Variants in LMO7 observed in about 807,000 individuals in gnomAD.
LMO7 encodes the protein LIM domain only protein 7.
LMO7 carries 120 observed loss-of-function variants against 206.5 expected under a neutral mutation model. That is an observed-to-expected ratio of 0.58 (90% CI 0.50 to 0.68). The LOEUF is 0.68. Among genes scored for constraint, LMO7 ranks in the 30% least tolerant of loss-of-function variants. LMO7 has a pLI of 0.00. For missense variants in LMO7, 1,959 were observed against 1,957.9 expected, an observed-to-expected ratio of 1.00 and a Z score of -0.01; for synonymous variants, 706 against 681.5, an observed-to-expected ratio of 1.04 and a Z score of -0.56.
chr13:75,766,236 T>C (rs1005365782), intron 4 of LMO7, among the ~76,000 whole-genome samples: 2 of 77,680 alleles, frequency 2.6e-5, no homozygotes, highest in Non-Finnish European at 5.0e-5. Context: ...GTTCCCTCAG[T>C]CTTTTTTTTT....
intron 3 of LMO7, among the ~76,000 whole-genome samples, chr13:75,737,949 C>T (rs558477004): frequency 1.9e-4 from 29 of 149,808 alleles, no homozygotes; most frequent in Admixed American, 9.3e-4. Flanking sequence ...AGTTGAGGTT[C>T]CCAAAGAGGA....
At chr13:75,643,843 C>T (rs376701904) in intron 1 of LMO7, among the ~76,000 whole-genome samples, 47 of 152,238 alleles carry the variant, frequency 3.1e-4, no homozygotes, top group African/African-American at 1.1e-3. Context: ...TATGAAATAC[C>T]CCAGTAGTAT....
chr13:75,637,853 C>G (rs1279320230), intron 1 of LMO7, among the ~76,000 whole-genome samples: 2 of 152,046 alleles, frequency 1.3e-5, no homozygotes, highest in Non-Finnish European at 2.9e-5. Context: ...GTAGGGAGGT[C>G]TAAGGAATGA....
At chr13:75,647,784 A>AG (rs2037167726) in intron 1 of LMO7, among the ~76,000 whole-genome samples, 1 of 152,132 alleles carries the variant, frequency 6.6e-6, no homozygotes, top group Non-Finnish European at 1.5e-5. Flanking sequence ...ATGCTTTGAA[A>AG]GGGTTGCACT....
At chr13:75,686,321 CA>C (rs1319313983) in intron 1 of LMO7, among the ~76,000 whole-genome samples, 1 of 152,120 alleles carries the variant, frequency 6.6e-6, no homozygotes, top group African/African-American at 2.4e-5. Context: ...AGAACTCATG[CA>C]GGGGAACTCC....
intron 1 of LMO7, among the ~76,000 whole-genome samples, chr13:75,645,966 C>T (rs1170174172): frequency 6.6e-6 from 1 of 152,150 alleles, no homozygotes; most frequent in Non-Finnish European, 1.5e-5. Flanking sequence ...CATTCCTGAC[C>T]CTGACCTTGT....
At chr13:75,828,343 G>A in intron 15 of LMO7, among the ~76,000 whole-genome samples, 1 of 152,178 alleles carries the variant, frequency 6.6e-6, no homozygotes, top group South Asian at 2.1e-4. Flanking sequence ...CTGGTGAAAT[G>A]CCTGCGCCAC....
chr13:75,681,706 G>GTATATATATATA, intron 1 of LMO7, among the ~76,000 whole-genome samples: 1 of 93,308 alleles, frequency 1.1e-5, no homozygotes, highest in Non-Finnish European at 2.2e-5. Flanking sequence ...GTATGTATGT[G>GTATATATATATA]TATATATATA....
At chr13:75,681,726 A>G (rs931238686) in intron 1 of LMO7, among the ~76,000 whole-genome samples, 9 of 102,768 alleles carry the variant, frequency 8.8e-5, no homozygotes, top group Admixed American at 3.9e-4. Context: ...ATGTATATAT[A>G]TATATATATA....
intron 7 of LMO7, among the ~76,000 whole-genome samples, chr13:75,802,167 A>G (rs1044652136): frequency 2.4e-4 from 36 of 152,380 alleles, no homozygotes; most frequent in Middle Eastern, 3.4e-3. Context: ...AAACCAATCA[A>G]CAATTTATTA....
chr13:75,832,617 A>G (rs2058765302), intron 15 of LMO7, among the ~76,000 whole-genome samples: 4 of 152,192 alleles, frequency 2.6e-5, no homozygotes, highest in Admixed American at 2.6e-4. Flanking sequence ...AACCACTTGA[A>G]GTTATTCAGA....
At chr13:75,644,576 C>T (rs758580350) in intron 1 of LMO7, among the ~76,000 whole-genome samples, 1 of 152,148 alleles carries the variant, frequency 6.6e-6, no homozygotes, top group East Asian at 1.9e-4. Flanking sequence ...ATGTTAGTGC[C>T]GTATTAGTAC....
Position 75,835,318 on chromosome 13 carries a change from C to A in LMO7, c.3312C>A (p.Phe1104Leu). The change falls in exon 18 of 31, where the codon TTC becomes TTA. Residue 1104 changes from phenylalanine to leucine, a missense_variant. Physicochemically the swap from Phe to Leu is conservative, Grantham distance 22 (BLOSUM62 0). Transcript: ENST00000377534. ...CAAATCTATCTGTAACAACTGATTT[C>A]TCCGAAAGCCTTCAGAGTTCTGTGA... ...KSSNLSVTTD[F>L]SESLQSSNIE... The A allele has an allele frequency of 6.2e-7, 1 of 1,603,208 alleles. No individual in the cohort carries two copies. The highest frequency in any genetic ancestry group is 8.5e-7 in the Non-Finnish European group (1 of 1,174,560).
At chr13:75,713,837 T>G (rs1316038446) in intron 2 of LMO7, among the ~76,000 whole-genome samples, 1 of 152,164 alleles carries the variant, frequency 6.6e-6, no homozygotes, top group African/African-American at 2.4e-5. Flanking sequence ...CTACATTGTA[T>G]GTGTAGTGTA....
chr13:75,740,713 GTCAC>G (rs1266285328), intron 3 of LMO7, among the ~76,000 whole-genome samples: 1 of 152,140 alleles, frequency 6.6e-6, no homozygotes, highest in Non-Finnish European at 1.5e-5. Context: ...TACATGCCTA[GTCAC>G]TAACAGCAGC....
chr13:75,721,114 A>G (rs1236375100), intron 2 of LMO7, among the ~76,000 whole-genome samples: 2 of 152,230 alleles, frequency 1.3e-5, no homozygotes, highest in Non-Finnish European at 2.9e-5. Context: ...AACATTGACA[A>G]TAAGTAGAGA....
intron 3 of LMO7, among the ~76,000 whole-genome samples, chr13:75,755,499 G>A (rs1294677977): frequency 1.3e-5 from 2 of 152,038 alleles, no homozygotes; most frequent in Admixed American, 6.6e-5. Context: ...GTGGTTGACT[G>A]TGAATCCTTC....
At chr13:75,651,223 A>G (rs2139136066) in intron 1 of LMO7, among the ~76,000 whole-genome samples, 1 of 152,300 alleles carries the variant, frequency 6.6e-6, no homozygotes, top group African/African-American at 2.4e-5. Flanking sequence ...TACTTGGCTT[A>G]ATAAATTCCA....
At position 75,853,784 on chromosome 13, in the gene LMO7, A is replaced by T. The variant is rs1332091060; in HGVS notation, c.4661+396A>T. On this transcript the variant is annotated intron_variant, in intron 28 of 30. Coordinates refer to ENST00000377534, the MANE Select transcript of LMO7 (RefSeq NM_001306080.2). Reference sequence around the variant, plus strand: ...TATTGTCAAATAGCTGACTATTTTCATGACAGTGTCATACAAACTCACAGG... The same window carrying T: ...TATTGTCAAATAGCTGACTATTTTCTTGACAGTGTCATACAAACTCACAGG... Among the ~76,000 whole-genome samples the T allele has an allele frequency of 3.9e-5, 6 of 152,232 alleles. No homozygotes were observed. In the East Asian group the frequency reaches 1.2e-3, roughly 29 times the overall value.
Sources: allele counts gnomAD v4.1 joint callset (sites outside exome capture counted in the v4.1 genomes callset), GRCh38; gene constraint gnomAD v4.1.1; transcripts MANE v1.5; gene names NCBI Gene and HGNC (gene_info 2026-07-23, HGNC 2026-07-21).